Variants in MEF2A observed in about 807,000 individuals in gnomAD.
The protein encoded by MEF2A is myocyte enhancer factor 2A, also known as myocyte-specific enhancer factor 2A.
In MEF2A, 28 loss-of-function variants were observed where a neutral mutation model predicts 55.8. The ratio of observed to expected loss-of-function variants is 0.50; its 90% confidence interval spans 0.37 to 0.69. MEF2A has a LOEUF of 0.69. MEF2A is among the 30% of genes least tolerant of loss of function. The pLI is 0.00. For synonymous variants in MEF2A, 239 were observed against 227.1 expected (o/e 1.05, Z -0.47); for missense variants, 528 against 626.2 (o/e 0.84, Z 1.67).
chr15:99,678,137 A>G (rs1317799672), intron 7 of MEF2A, among the ~76,000 whole-genome samples: 1 of 152,242 alleles, frequency 6.6e-6, no homozygotes, highest in East Asian at 1.9e-4. Flanking sequence ...AATATTTTCT[A>G]ATTTCCATTA....
chr15:99,610,261 T>C (rs929605025), intron 2 of MEF2A, among the ~76,000 whole-genome samples: 9 of 152,044 alleles, frequency 5.9e-5, no homozygotes, highest in African/African-American at 1.9e-4. Flanking sequence ...CTACAAAGTA[T>C]CATTGACAGA....
At chr15:99,660,231 C>T (rs987132591) in intron 4 of MEF2A, among the ~76,000 whole-genome samples, 3 of 152,110 alleles carry the variant, frequency 2.0e-5, no homozygotes, top group Non-Finnish European at 2.9e-5. Flanking sequence ...GATGGAGTTT[C>T]GCTCTTGTTG....
At chr15:99,623,115 A>G (rs2041503676) in intron 2 of MEF2A, among the ~76,000 whole-genome samples, 1 of 152,180 alleles carries the variant, frequency 6.6e-6, no homozygotes, top group Non-Finnish European at 1.5e-5. Flanking sequence ...ATGTCTCTGA[A>G]TTTGACTACT....
At chr15:99,572,808 A>G (rs1962884819) in intron 1 of MEF2A, among the ~76,000 whole-genome samples, 1 of 152,256 alleles carries the variant, frequency 6.6e-6, no homozygotes, top group African/African-American at 2.4e-5. Flanking sequence ...CACTATTTGT[A>G]GAGTAAATCC....
chr15:99,573,140 T>G (rs1026039853), intron 1 of MEF2A, among the ~76,000 whole-genome samples: 1 of 151,968 alleles, frequency 6.6e-6, no homozygotes, highest in African/African-American at 2.4e-5. Context: ...TACAAAAAAT[T>G]AGCCGGGCGT....
chr15:99,695,438 G>A (rs1482291032), intron 8 of MEF2A, among the ~76,000 whole-genome samples: 1 of 152,120 alleles, frequency 6.6e-6, no homozygotes, highest in African/African-American at 2.4e-5. Context: ...CAAGAAATGG[G>A]AGAAAAGAAG....
At chr15:99,572,951 T>C (rs558906097) in intron 1 of MEF2A, among the ~76,000 whole-genome samples, 2 of 152,196 alleles carry the variant, frequency 1.3e-5, no homozygotes, top group African/African-American at 2.4e-5. Flanking sequence ...CAACCTATTA[T>C]AGTAGATATA....
At position 99,715,033 on chromosome 15, in the gene MEF2A, T is replaced by C. The variant is rs1270689519; in HGVS notation, c.*2262T>C. On this transcript the variant is annotated 3_prime_UTR_variant, in exon 12 of 12. Transcript: ENST00000557942. ...GACATGCTGTCTCCTCTCTTCAGTA[T>C]AGACATTAGGCTCTTATTCAGAAAG... The C allele has an allele frequency of 6.6e-6, 1 of 152,126 alleles. No homozygotes were observed. The highest frequency in any genetic ancestry group is 2.4e-5 in the African/African-American group (1 of 41,422). 9.4% of individuals were successfully genotyped at this position (152,126 alleles called of 1,614,324 possible).
rs535159323 is a variant in MEF2A, at chr15:99,688,979, G to T, written c.671-1262G>T. Among the ~76,000 whole-genome samples, 42 of 152,216 alleles carry T rather than the reference G, an allele frequency of 2.8e-4. No individual in the cohort carries two copies. In the South Asian group the frequency reaches 8.7e-3, roughly 32 times the overall value. ...GGTTGCAGAGAGTCAGCCCCACCCA[G>T]TCCACGTGGTTGCTATACATGGGAA... On this transcript the variant is annotated intron_variant, in intron 7 of 11. Coordinates refer to ENST00000557942, the MANE Select transcript of MEF2A (RefSeq NM_001319206.4).
intron 2 of MEF2A, among the ~76,000 whole-genome samples, chr15:99,608,608 T>C (rs142135275): frequency 1.3e-5 from 2 of 152,164 alleles, no homozygotes. Context: ...TGATAAAAAG[T>C]AATACTTTGG....
At chr15:99,636,922 G>A (rs772429225) in intron 3 of MEF2A, among the ~76,000 whole-genome samples, 4 of 152,090 alleles carry the variant, frequency 2.6e-5, no homozygotes, top group Non-Finnish European at 4.4e-5. Flanking sequence ...AGTTGTCCCA[G>A]TACAATTTAT....
In MEF2A at chr15:99,712,282, G is replaced by C; in HGVS notation, c.1137-108G>C. The C allele has an allele frequency of 1.4e-6, 2 of 1,433,962 alleles. No homozygotes were observed. Among genetic ancestry groups the C allele is most frequent in the Non-Finnish European group, 1.8e-6 (2 of 1,096,220 alleles). The allele number at this position is 1,433,962 out of a possible 1,614,324, so 88.8% of individuals were successfully genotyped here. On this transcript the variant is annotated intron_variant, in intron 11 of 11. Coordinates refer to ENST00000557942, the MANE Select transcript of MEF2A (RefSeq NM_001319206.4). This position sits in a 1 kb window ranked among gnomAD's most constrained non-coding sequence, Gnocchi z 4.1. ...AACCAGTCTTGGGGAACTCTGATAA[G>C]ATTTCAGACTCTGGGCCCTTTTCCA...
chr15:99,622,702 C>CTTTTTTTTTTTTTTTTTTTTTT (rs56054040), intron 2 of MEF2A, among the ~76,000 whole-genome samples: 3 of 135,700 alleles, frequency 2.2e-5, no homozygotes, highest in Non-Finnish European at 4.7e-5. Flanking sequence ...GTTTTCTTTT[C>CTTTTTTTTTTTTTTTTTTTTTT]TTTTTTTTTT....
chr15:99,616,085 G>C (rs1405322973), intron 2 of MEF2A, among the ~76,000 whole-genome samples: 1 of 151,978 alleles, frequency 6.6e-6, no homozygotes, highest in Non-Finnish European at 1.5e-5. Flanking sequence ...GCCACAGTCA[G>C]ACTAGTTCTT....
Position 99,583,291 on chromosome 15 carries a change from G to T in MEF2A, c.-224-15139G>T, listed in dbSNP as rs143769478. On this transcript the variant is annotated intron_variant, in intron 1 of 11. Transcript: ENST00000557942. ...CAAATGTCCTCTGAGGCTTCTTCCA[G>T]TTCAGAACTTTAGGAAGTTGGTGAA... 5.6e-3 allele frequency among the ~76,000 whole-genome samples: 847 copies of T among 152,172 alleles called. 31 individuals carry two copies. The highest frequency in any genetic ancestry group is 0.014 in the East Asian group (71 of 5,184).
At chr15:99,652,163 C>A (rs757357456) in intron 4 of MEF2A, among the ~76,000 whole-genome samples, 1 of 152,122 alleles carries the variant, frequency 6.6e-6, no homozygotes, top group Non-Finnish European at 1.5e-5. Context: ...AAGCAGCAGT[C>A]CCCAACCTTG....
intron 2 of MEF2A, among the ~76,000 whole-genome samples, chr15:99,618,648 T>A (rs189111894): frequency 3.9e-5 from 6 of 152,256 alleles, no homozygotes; most frequent in African/African-American, 7.2e-5. Context: ...AATAATACAT[T>A]TATTTATCTA....
rs148304295 is a variant in MEF2A at position 99,666,607 on chromosome 15, T to C, written c.259-4716T>C. 4.4e-3 allele frequency among the ~76,000 whole-genome samples: 652 copies of C among 148,630 alleles called. 4 individuals carry two copies. Among genetic ancestry groups the C allele is most frequent in the African/African-American group, 0.015 (595 of 40,822 alleles). ...ATAATAATAATAATAATAATAATAA[T>C]AATAAAAAGATCAGCAAAGAAAAAA... On this transcript the variant is annotated intron_variant, in intron 4 of 11. Transcript: ENST00000557942.
rs2152679959 is a variant in MEF2A at position 99,568,055 on chromosome 15, G to A, written c.-225+1951G>A. Among the ~76,000 whole-genome samples, 3 of 152,182 alleles carry A rather than the reference G, an allele frequency of 2.0e-5. No homozygotes were observed. In the Middle Eastern group the frequency reaches 0.01, roughly 518 times the overall value. On this transcript the variant is annotated intron_variant, in intron 1 of 11. Coordinates refer to ENST00000557942, the MANE Select transcript of MEF2A (RefSeq NM_001319206.4). ...TGAAGTAATGGTGACCTCTCTAAAC[G>A]CAATTATTTGCTTACCTATTTCCTT... is the stretch of plus-strand genomic sequence containing the variant.
Sources: allele counts gnomAD v4.1 joint callset (sites outside exome capture counted in the v4.1 genomes callset), GRCh38; gene constraint gnomAD v4.1.1; non-coding constraint Gnocchi (gnomAD v3.1); transcripts MANE v1.5; gene names NCBI Gene and HGNC (gene_info 2026-07-23, HGNC 2026-07-21).